KLK15: variants seen among roughly 807,000 people sequenced by gnomAD.
KLK15 encodes kallikrein-15.
KLK15 carries 19 observed loss-of-function variants against 21.1 expected under a neutral mutation model. That is an observed-to-expected ratio of 0.90 (90% CI 0.63 to 1.32). KLK15 has a LOEUF of 1.32. Among genes scored for constraint, KLK15 ranks in the 40% most tolerant of loss-of-function variants. The probability of loss-of-function intolerance (pLI) is 0.00; values close to 1 mark genes in which losing one functional copy is unlikely to be tolerated. For synonymous variants in KLK15, 141 were observed against 141.5 expected, an observed-to-expected ratio of 1.00 and a Z score of 0.03; for missense variants, 345 against 348.6, an observed-to-expected ratio of 0.99 and a Z score of 0.08.
intron 1 of KLK15, among the ~76,000 whole-genome samples, chr19:50,828,320 C>G (rs1182036258): frequency 3.3e-5 from 5 of 151,654 alleles, no homozygotes; most frequent in Non-Finnish European, 7.4e-5. Context: ...CTATAAGACT[C>G]TGGGAGAGAG....
At chr19:50,825,749 G>C (rs755639511) in exon 5 of KLK15, 8 of 1,585,432 alleles carry the variant, frequency 5.0e-6, no homozygotes, top group Non-Finnish European at 6.9e-6. Context: ...CTGGCCAGCT[G>C]TGGGGGCTTC....
intron 2 of KLK15, 148 bp from the exon 4 acceptor site, chr19:50,827,309 A>C: frequency 7.6e-6 from 6 of 786,030 alleles, no homozygotes; most frequent in Non-Finnish European, 1.2e-5. Context: ...CAAGACCCTG[A>C]AGCCAATGGT....
rs751239529 is a variant in KLK15 at position 50,831,112 on chromosome 19, A to G, written c.43+338T>C. ...TATTGTCTCAAGTGGGTGCTGTCTT[A>G]TAGAGAAGGCATTCGAAGCCCAGAG... On this transcript the variant is annotated intron_variant, in intron 1 of 4. Coordinates refer to ENST00000598239, the Ensembl canonical transcript of KLK15. The G allele has an allele frequency of 4.0e-5, 9 of 227,156 alleles. No homozygotes were observed. The Admixed American group carries it at 4.6e-4, about 12-fold the overall frequency. 14.1% of individuals were successfully genotyped at this position (227,156 alleles called of 1,614,324 possible).
At chr19:50,828,608 A>G (rs1041026718) in intron 1 of KLK15, among the ~76,000 whole-genome samples, 3 of 151,672 alleles carry the variant, frequency 2.0e-5, no homozygotes, top group African/African-American at 7.3e-5. Flanking sequence ...TTCCACACTT[A>G]GGTACAGCTA....
intron 1 of KLK15, among the ~76,000 whole-genome samples, chr19:50,830,715 C>A (rs1040237191): frequency 8.5e-5 from 13 of 152,232 alleles, no homozygotes; most frequent in African/African-American, 3.1e-4. Flanking sequence ...CAATTAATTT[C>A]TTGGTGTGTG....
chr19:50,830,029 C>T (rs1169006582), intron 1 of KLK15, among the ~76,000 whole-genome samples: 1 of 151,466 alleles, frequency 6.6e-6, no homozygotes, highest in Non-Finnish European at 1.5e-5. Flanking sequence ...ACATATTTAT[C>T]CATCTCTAGA....
intron 1 of KLK15, 61 bp downstream of exon 2, chr19:50,831,389 A>G (rs1599958791): frequency 1.6e-6 from 2 of 1,242,672 alleles, no homozygotes; most frequent in East Asian, 6.3e-5. Context: ...CTGGGCCCAG[A>G]CATGCTTGGG....
rs1466411092 is a variant in KLK15 at position 50,829,636 on chromosome 19, A to AT, written c.43+1813_43+1814insA. Among the ~76,000 whole-genome samples, 175 of 151,814 alleles carry AT rather than the reference A, an allele frequency of 1.2e-3. 4 individuals are homozygous for AT. Among genetic ancestry groups the AT allele is most frequent in the African/African-American group, 4.0e-3 (166 of 41,478 alleles). On this transcript the variant is annotated intron_variant, in intron 1 of 4. Coordinates refer to ENST00000598239, the Ensembl canonical transcript of KLK15. The stretch of plus-strand genomic sequence containing the variant: ...ACATCGTGAAATCCCGTCTCTACTA[A>AT]AAAATAAATAAATAAATAAATAAAA...
chr19:50,825,589 A>C, downstream of KLK15: 2 of 464,258 alleles, frequency 4.3e-6, no homozygotes, highest in East Asian at 3.5e-5. Flanking sequence ...CTACAGAGCA[A>C]CTTGGATCAG....
chr19:50,826,445 C>T, intron 4 of KLK15, 176 bp downstream of exon 5: 1 of 667,460 alleles, frequency 1.5e-6, no homozygotes, highest in Middle Eastern at 4.2e-4. Context: ...AACGCAATCC[C>T]CACCTATAAC....
rs548340008 is a variant in KLK15, at chr19:50,830,153, G to A, written c.43+1297C>T. On this transcript the variant is annotated intron_variant, in intron 1 of 4. Coordinates refer to ENST00000598239, the Ensembl canonical transcript of KLK15. ...AGGGCCTTGTATACCCACTGCACAC[G>A]TGCATGTACACACACACACACACAC... 1.3e-3 allele frequency among the ~76,000 whole-genome samples: 172 copies of A among 129,218 alleles called. 7 individuals carry two copies. Among genetic ancestry groups the A allele is most frequent in the Non-Finnish European group, 2.4e-3 (146 of 59,770 alleles). 84.8% of individuals were successfully genotyped at this position (129,218 alleles called of 152,430 possible).
chr19:50,830,357 TCA>T (rs1188117855), intron 1 of KLK15, among the ~76,000 whole-genome samples: 1 of 151,734 alleles, frequency 6.6e-6, no homozygotes, highest in Admixed American at 6.6e-5. Flanking sequence ...ACTCTCCCCA[TCA>T]CAGTCAGGAA....
At chr19:50,830,834 C>G (rs992046806) in intron 1 of KLK15, among the ~76,000 whole-genome samples, 1 of 152,122 alleles carries the variant, frequency 6.6e-6, no homozygotes, top group Admixed American at 6.5e-5. Flanking sequence ...CGGTGGTGCC[C>G]ACCACACATA....
intron 4 of KLK15, 87 bp from the exon 6 acceptor site, chr19:50,826,035 C>T: frequency 7.6e-7 from 1 of 1,314,872 alleles, no homozygotes; most frequent in South Asian, 1.4e-5. Context: ...TCACCCCAAA[C>T]CCAATCCATC....
At chr19:50,826,495 A>G in intron 4 of KLK15, 126 bp downstream of exon 5, 1 of 1,163,238 alleles carries the variant, frequency 8.6e-7, no homozygotes, top group South Asian at 1.6e-5. Context: ...TTCTCTTCCT[A>G]CTCCATCTCC....
upstream of KLK15, among the ~76,000 whole-genome samples, chr19:50,832,322 C>CTTTTTTTTTTTTTTTTTT (rs773163899): frequency 1.0e-4 from 11 of 109,440 alleles, no homozygotes; most frequent in Non-Finnish European, 1.1e-4. Flanking sequence ...CTTTTTTTTT[C>CTTTTTTTTTTTTTTTTTT]TTTTTTTTTT....
chr19:50,825,480 C>G (rs3212810), downstream of KLK15: 1 of 194,154 alleles, frequency 5.2e-6, no homozygotes, highest in African/African-American at 2.3e-5. Flanking sequence ...TGCTTCAAGC[C>G]GCTTCTCCTC....
exon 2 of KLK15, chr19:50,827,693 A>C (rs752100254): frequency 7.4e-6 from 12 of 1,611,104 alleles, no homozygotes; most frequent in Non-Finnish European, 9.3e-6. Flanking sequence ...GACAGCACCC[A>C]GTGTGGGGAG....
At chr19:50,825,802 C>A in exon 5 of KLK15, 5 of 1,613,542 alleles carry the variant, frequency 3.1e-6, no homozygotes, top group Non-Finnish European at 4.2e-6. Flanking sequence ...ATAGTCAGTT[C>A]CTCTTCATGG....
Sources: allele counts gnomAD v4.1 joint callset (sites outside exome capture counted in the v4.1 genomes callset), GRCh38; gene constraint gnomAD v4.1.1; transcripts MANE v1.5; gene names NCBI Gene and HGNC (gene_info 2026-07-23, HGNC 2026-07-21).